TASP1: variants seen among roughly 807,000 people sequenced by gnomAD.
The protein encoded by TASP1 is taspase 1.
A neutral mutation model predicts 56.6 loss-of-function variants in TASP1; 16 were observed. The observed-to-expected ratio is 0.28, with a 90% CI of 0.19 to 0.43. The LOEUF (loss-of-function observed/expected upper bound fraction) is 0.43. TASP1 is among the 20% of genes least tolerant of loss of function. TASP1 has a pLI of 1.00. For missense variants in TASP1, 393 were observed against 511.6 expected (o/e 0.77, Z 2.24); for synonymous variants, 179 against 184.2 (o/e 0.97, Z 0.23).
chr20:13,304,886 C>T, the TASP1 span, among the ~76,000 whole-genome samples: 2 of 152,170 alleles, frequency 1.3e-5, no homozygotes, highest in African/African-American at 4.8e-5. Flanking sequence ...TTCCCCACTT[C>T]CCTACTAGTA....
the TASP1 span, among the ~76,000 whole-genome samples, chr20:13,235,575 A>G: frequency 0.025 from 3,836 of 152,280 alleles, 163 homozygotes; most frequent in African/African-American, 0.086. Flanking sequence ...GCCACTGAGA[A>G]GTTAGAGCTG....
chr20:13,218,885 T>C, the TASP1 span, among the ~76,000 whole-genome samples: 1 of 152,242 alleles, frequency 6.6e-6, no homozygotes, highest in Admixed American at 6.5e-5. Flanking sequence ...ATTCATACAT[T>C]TGTTCAACAT....
intron 10 of TASP1, among the ~76,000 whole-genome samples, chr20:13,527,944 G>A (rs1038049832): frequency 2.0e-5 from 3 of 151,716 alleles, no homozygotes; most frequent in Admixed American, 6.6e-5. Flanking sequence ...TTAGTGGGTC[G>A]GGTGCAGTGA....
At chr20:13,516,874 A>T (rs1485427419) in intron 10 of TASP1, among the ~76,000 whole-genome samples, 1 of 152,034 alleles carries the variant, frequency 6.6e-6, no homozygotes, top group Non-Finnish European at 1.5e-5. Context: ...TCCTTCCATG[A>T]TGTCCTCAGC....
chr20:13,355,365 G>A, the TASP1 span, among the ~76,000 whole-genome samples: 1 of 152,150 alleles, frequency 6.6e-6, no homozygotes, highest in African/African-American at 2.4e-5. Context: ...ATAAATTGCA[G>A]CAAAACCATC....
At chr20:13,619,776 T>C (rs1388170060) in intron 4 of TASP1, among the ~76,000 whole-genome samples, 1 of 152,184 alleles carries the variant, frequency 6.6e-6, no homozygotes, top group African/African-American at 2.4e-5. Flanking sequence ...ACCAGAGTTG[T>C]ACCATCCAGT....
the TASP1 span, among the ~76,000 whole-genome samples, chr20:13,107,136 G>C: frequency 6.6e-6 from 1 of 152,188 alleles, no homozygotes; most frequent in Non-Finnish European, 1.5e-5. Flanking sequence ...CCAGACCCCA[G>C]GGATACTGAG....
chr20:13,328,077 CAG>C, the TASP1 span, among the ~76,000 whole-genome samples: 1 of 152,130 alleles, frequency 6.6e-6, no homozygotes, highest in Non-Finnish European at 1.5e-5. Context: ...GTCTAATATT[CAG>C]AGTCTACGAG....
chr20:13,268,624 T>C, the TASP1 span, among the ~76,000 whole-genome samples: 1 of 152,190 alleles, frequency 6.6e-6, no homozygotes, highest in Non-Finnish European at 1.5e-5. Flanking sequence ...CCCCGGTCAC[T>C]GCATGTTTTA....
chr20:13,148,993 A>G, the TASP1 span, among the ~76,000 whole-genome samples: 1 of 152,228 alleles, frequency 6.6e-6, no homozygotes, highest in Non-Finnish European at 1.5e-5. Flanking sequence ...ATTTACAGCT[A>G]AAACTGAGAT....
rs920888123 is a variant in TASP1 at position 13,586,206 on chromosome 20, A to G, written c.403+1044T>C. On this transcript the variant is annotated intron_variant, in intron 5 of 13. Coordinates refer to ENST00000337743, the MANE Select transcript of TASP1 (RefSeq NM_017714.3). Reference sequence around the variant, plus strand: ...AAAAAAAAAAAAAAAACAGAAGTACATATGTCTACCAAAAGACATGTAAAA... The same window carrying G: ...AAAAAAAAAAAAAAAACAGAAGTACGTATGTCTACCAAAAGACATGTAAAA... 3.2e-4 allele frequency among the ~76,000 whole-genome samples: 49 copies of G among 151,424 alleles called. 1 individual carries two copies. The highest frequency in any genetic ancestry group is 1.1e-3 in the African/African-American group (44 of 41,274).
chr20:13,288,755 A>G, the TASP1 span: 1 of 1,442,946 alleles, frequency 6.9e-7, no homozygotes, highest in Admixed American at 2.1e-5. Flanking sequence ...AAACTTAGTG[A>G]CATTGTCTTT....
chr20:13,221,187 A>C, the TASP1 span, among the ~76,000 whole-genome samples: 3 of 143,796 alleles, frequency 2.1e-5, no homozygotes, highest in Non-Finnish European at 1.5e-5. Flanking sequence ...CCAAGCGTGG[A>C]GGTAACTCCC....
intron 12 of TASP1, among the ~76,000 whole-genome samples, chr20:13,433,829 T>C (rs2042902964): frequency 7.1e-6 from 1 of 139,926 alleles, no homozygotes; most frequent in Non-Finnish European, 1.5e-5. Context: ...GGATGACCTA[T>C]AGTGTTTGTA....
At chr20:13,365,402 G>A in the TASP1 span, among the ~76,000 whole-genome samples, 5 of 152,300 alleles carry the variant, frequency 3.3e-5, no homozygotes, top group South Asian at 1.0e-3. Flanking sequence ...ATTTGAGAGA[G>A]TTGTGAGTGC....
the TASP1 span, among the ~76,000 whole-genome samples, chr20:13,268,114 GTCTTC>G: frequency 0.035 from 4,851 of 140,454 alleles, 99 homozygotes; most frequent in African/African-American, 0.049. Context: ...CTCCTCTCCT[GTCTTC>G]TCTTCTCTTC....
chr20:13,596,908 T>C (rs2047755076), intron 4 of TASP1, among the ~76,000 whole-genome samples: 1 of 152,230 alleles, frequency 6.6e-6, no homozygotes, highest in Non-Finnish European at 1.5e-5. Flanking sequence ...TAAACAACTC[T>C]ATGCAAACAC....
chr20:13,212,240 G>A, the TASP1 span, among the ~76,000 whole-genome samples: 165 of 152,098 alleles, frequency 1.1e-3, 1 homozygote, highest in Non-Finnish European at 2.0e-3. Context: ...CTCTTCACTT[G>A]TGTGCTATAT....
chr20:13,210,833 A>C, the TASP1 span, among the ~76,000 whole-genome samples: 14 of 152,140 alleles, frequency 9.2e-5, no homozygotes, highest in African/African-American at 3.1e-4. Flanking sequence ...AAAATCTTAC[A>C]TGACAAACCA....
Sources: allele counts gnomAD v4.1 joint callset (sites outside exome capture counted in the v4.1 genomes callset), GRCh38; gene constraint gnomAD v4.1.1; transcripts MANE v1.5; gene names NCBI Gene and HGNC (gene_info 2026-07-23, HGNC 2026-07-21).